Variants in SMG9 observed in about 807,000 individuals in gnomAD.
SMG9 encodes nonsense-mediated mRNA decay factor SMG9.
SMG9 carries 55 observed loss-of-function variants against 64.0 expected under a neutral mutation model. The observed-to-expected ratio is 0.86, with a 90% CI of 0.69 to 1.08. SMG9 has a LOEUF of 1.08. SMG9 is among the 50% of genes least tolerant of loss of function. SMG9 has a pLI of 0.00. For synonymous variants in SMG9, 244 were observed against 254.8 expected, an observed-to-expected ratio of 0.96 and a Z score of 0.41; for missense variants, 554 against 681.3, an observed-to-expected ratio of 0.81 and a Z score of 2.08.
At chr19:43,744,149 T>C (rs1599652564) in intron 6 of SMG9, among the ~76,000 whole-genome samples, 1 of 152,124 alleles carries the variant, frequency 6.6e-6, no homozygotes, top group Non-Finnish European at 1.5e-5. Context: ...ATTCCATCCT[T>C]ACTCAAGAAT....
chr19:43,733,599 CT>C, intron 11 of SMG9, 26 bp downstream of exon 11: 1 of 1,612,130 alleles, frequency 6.2e-7, no homozygotes, highest in Middle Eastern at 1.7e-4. Flanking sequence ...GGCTGACTAG[CT>C]TGGGGGGTGA....
intron 9 of SMG9, chr19:43,734,721 T>C (rs901951686): frequency 9.3e-6 from 4 of 430,834 alleles, no homozygotes; most frequent in African/African-American, 8.0e-5. Context: ...TACTGTATTT[T>C]TTTTTTAAAG....
At chr19:43,731,707 C>A (rs903969878) in intron 13 of SMG9, 33 bp from the exon 14 acceptor site, 3 of 1,613,772 alleles carry the variant, frequency 1.9e-6, no homozygotes, top group Admixed American at 1.7e-5. Context: ...GGCTGCCTGG[C>A]CGGGGCTCCC....
chr19:43,748,864 T>C (rs1219137307), intron 2 of SMG9: 2 of 508,124 alleles, frequency 3.9e-6, no homozygotes, highest in Non-Finnish European at 7.9e-6. Context: ...AAAGACGAAG[T>C]GAAAGTGCTT....
In SMG9 at chr19:43,747,429, G is replaced by C. The variant is rs1217457411; in HGVS notation, c.588+13C>G. 6.2e-7 allele frequency: 1 copy of C among 1,611,142 alleles called. No homozygotes were observed. The highest frequency in any genetic ancestry group is 1.7e-5 in the Admixed American group (1 of 60,014). On this transcript the variant is annotated intron_variant, in intron 5 of 13. Transcript: ENST00000270066. ...ATGTGCGGAAGCTCAGGCAGGGCAG[G>C]ACCCCTCGGTACCTCGATGGCACTG...
At chr19:43,747,381 G>T in intron 5 of SMG9, 61 bp downstream of exon 5, 1 of 1,536,044 alleles carries the variant, frequency 6.5e-7, no homozygotes, top group Non-Finnish European at 8.9e-7. Context: ...CCTACAGAGA[G>T]GTGGAAGATC....
At position 43,734,000 on chromosome 19, in the gene SMG9, G is replaced by A. The variant is rs16976747; in HGVS notation, c.1103-267C>T. 0.21 allele frequency: 118,121 copies of A among 553,946 alleles called. 13,310 individuals are homozygous for A. The highest frequency in any genetic ancestry group is 0.28 in the African/African-American group (14,797 of 53,124). 34.3% of individuals were successfully genotyped at this position (553,946 alleles called of 1,614,324 possible). ...CTGGGTCTTTGAAGAAGAGTAGAGC[G>A]GAGAAAGGATGAAACAGGCAAAGGA... On this transcript the variant is annotated intron_variant, in intron 10 of 13. Coordinates refer to ENST00000270066, the MANE Select transcript of SMG9 (RefSeq NM_019108.4).
At position 43,733,335 on chromosome 19, in the gene SMG9, G is replaced by A. The variant is rs1321444748; in HGVS notation, c.1328C>T (p.Pro443Leu). Residue 443 changes from proline to leucine, a missense_variant, in exon 12 of 14, where the codon CCA becomes CTA. Physicochemically the swap from Pro to Leu is moderately conservative, Grantham distance 98 (BLOSUM62 -3). Transcript: ENST00000270066. ...FMDSEAESEN[P>L]PRAGPGSSPL... Reference sequence around the variant, plus strand: ...GAGGGTAACTGTACCTGCTCTTGGTGGGTTTTCACTCTCTGCTTCACTGTC... The same window carrying A: ...GAGGGTAACTGTACCTGCTCTTGGTAGGTTTTCACTCTCTGCTTCACTGTC... 2 of 1,613,850 alleles carry A rather than the reference G, an allele frequency of 1.2e-6. No homozygotes were observed. Among genetic ancestry groups the A allele is most frequent in the East Asian group, 2.2e-5 (1 of 44,890 alleles).
At chr19:43,738,648 G>A (rs1054252011) in intron 7 of SMG9, among the ~76,000 whole-genome samples, 1 of 152,062 alleles carries the variant, frequency 6.6e-6, no homozygotes, top group Admixed American at 6.6e-5. Context: ...TGAGCTCACC[G>A]GACTTTTTTT....
Position 43,745,359 on chromosome 19 carries a change from T to G in SMG9, c.589-475A>C, listed in dbSNP as rs1968967357. 2.6e-5 allele frequency among the ~76,000 whole-genome samples: 4 copies of G among 151,424 alleles called. No individual in the cohort carries two copies. In the South Asian group the frequency reaches 6.2e-4, roughly 24 times the overall value. ...CCCAGGCTTTCGTCTGTGTGTGTGT[T>G]TTTTTGTTTTTTTTTACATTCATAT... On this transcript the variant is annotated intron_variant, in intron 5 of 13. Coordinates refer to ENST00000270066, the MANE Select transcript of SMG9 (RefSeq NM_019108.4).
chr19:43,732,960 C>A lies in SMG9; in HGVS notation c.1382G>T (p.Arg461Leu). 6.2e-7 allele frequency: 1 copy of A among 1,613,588 alleles called. No homozygotes were observed. The highest frequency in any genetic ancestry group is 8.5e-7 in the Non-Finnish European group (1 of 1,179,828). The change falls in exon 13 of 14, where the codon CGT becomes CTT. Residue 461 changes from arginine (R) to leucine (L), a missense_variant. Coordinates refer to ENST00000270066, the MANE Select transcript of SMG9 (RefSeq NM_019108.4). ...SPLFSLLPGY[R>L]GHPSFQSLVS... ...CAAGGACTGGAAACTGGGGTGGCCA[C>A]GATACCCAGGCAGCAGGGAGAAGAG...
At position 43,740,193 on chromosome 19, in the gene SMG9, C is replaced by A. The variant is rs758063345; in HGVS notation, c.727G>T (p.Ala243Ser). 6.2e-7 allele frequency: 1 copy of A among 1,613,842 alleles called. No homozygotes were observed. Among genetic ancestry groups the A allele is most frequent in the Admixed American group, 1.7e-5 (1 of 59,998 alleles). The change falls in exon 7 of 14, where the codon GCT becomes TCT. Residue 243 changes from alanine to serine, a missense_variant. Transcript: ENST00000270066. Reference protein sequence around the residue: ...QRTYVFRAQSAEMKERGGNQT... With the variant: ...QRTYVFRAQSSEMKERGGNQT... ...TTGCCCCCTCGTTCCTTCATTTCAG[C>A]GCTCTGGGCCCGGAAAACATAAGTC...
At chr19:43,752,916 A>AAAAAAAAAAAAAAAAAAAAAAG (rs1433797448) in intron 1 of SMG9, among the ~76,000 whole-genome samples, 1 of 148,758 alleles carries the variant, frequency 6.7e-6, no homozygotes, top group African/African-American at 2.5e-5. Context: ...AAAAAAAAAA[A>AAAAAAAAAAAAAAAAAAAAAAG]GCAGAACCCT....
intron 6 of SMG9, among the ~76,000 whole-genome samples, chr19:43,743,388 AT>A (rs1202317720): frequency 4.6e-5 from 7 of 152,200 alleles, no homozygotes; most frequent in Non-Finnish European, 7.3e-5. Context: ...TGGGATGTGT[AT>A]TCGCCCAACA....
At chr19:43,741,582 T>G (rs948552903) in intron 6 of SMG9, among the ~76,000 whole-genome samples, 1 of 152,166 alleles carries the variant, frequency 6.6e-6, no homozygotes, top group African/African-American at 2.4e-5. Flanking sequence ...AAAGTGGAGA[T>G]AGGCTTACAA....
intron 12 of SMG9, 89 bp from the exon 13 acceptor site, chr19:43,733,091 G>A: frequency 1.4e-6 from 2 of 1,478,086 alleles, no homozygotes; most frequent in Non-Finnish European, 1.8e-6. Flanking sequence ...AGGAGCACCT[G>A]AGAGTTCAGC....
chr19:43,740,723 G>A (rs887786561), intron 6 of SMG9, among the ~76,000 whole-genome samples: 2 of 152,056 alleles, frequency 1.3e-5, no homozygotes, highest in South Asian at 4.1e-4. Context: ...AGGCATTGGA[G>A]AGAGAGCACT....
At chr19:43,734,331 C>T in intron 10 of SMG9, 58 bp downstream of exon 10, 1 of 1,393,446 alleles carries the variant, frequency 7.2e-7, no homozygotes, top group East Asian at 2.5e-5. Flanking sequence ...GTGCTCCTGA[C>T]TTTCAGCCCC....
At position 43,747,872 on chromosome 19, in the gene SMG9, G is replaced by A. The variant is rs1309043567; in HGVS notation, c.251C>T (p.Ala84Val). The change falls in exon 4 of 14, where the codon GCC becomes GTC. Residue 84 changes from alanine (A) to valine (V), a missense_variant. Physicochemically the swap from Ala to Val is moderately conservative, Grantham distance 64. Transcript: ENST00000270066. Reference sequence around the variant, plus strand: ...GGCTGGAGCAGGCGGGGCAGCAGGGGCTGTTGGAGGTGGTGGCTGTTTTGA... The same window carrying A: ...GGCTGGAGCAGGCGGGGCAGCAGGGACTGTTGGAGGTGGTGGCTGTTTTGA... ...ERSKQPPPPT[A>V]PAAPPAPAPL... 23 of 1,610,204 alleles carry A rather than the reference G, an allele frequency of 1.4e-5. No homozygotes were observed. The highest frequency in any genetic ancestry group is 1.9e-5 in the Non-Finnish European group (22 of 1,177,994).
Sources: allele counts gnomAD v4.1 joint callset (sites outside exome capture counted in the v4.1 genomes callset), GRCh38; gene constraint gnomAD v4.1.1; transcripts MANE v1.5; gene names NCBI Gene and HGNC (gene_info 2026-07-23, HGNC 2026-07-21).